The following TSGA10 variants were observed in gnomAD, a reference collection of about 807,000 sequenced individuals.
TSGA10 encodes testis-specific gene 10 protein.
In TSGA10, 43 loss-of-function variants were observed where a neutral mutation model predicts 96.6. The ratio of observed to expected loss-of-function variants is 0.44; its 90% CI spans 0.35 to 0.57. The LOEUF (loss-of-function observed/expected upper bound fraction) is 0.57, where lower values mean the gene tolerates loss of function less well. Among genes scored for constraint, TSGA10 ranks in the 20% least tolerant of loss-of-function variants. TSGA10 has a pLI of 0.01. For missense variants in TSGA10, 703 were observed against 834.4 expected (o/e 0.84, Z 1.94); for synonymous variants, 229 against 269.9 (o/e 0.85, Z 1.48).
At chr2:99,110,974 G>C in intron 4 of TSGA10, 59 bp from the exon 5 acceptor site, 1 of 434,740 alleles carries the variant, frequency 2.3e-6, no homozygotes, top group African/African-American at 2.2e-5. Flanking sequence ...AAACTAATTG[G>C]AAAAAGAACA....
Position 99,112,875 on chromosome 2 carries a change from T to G in TSGA10, c.-139-1960A>C, listed in dbSNP as rs532539730. 2.8e-5 allele frequency among the ~76,000 whole-genome samples: 4 copies of G among 140,754 alleles called. No individual in the cohort carries two copies. The East Asian group carries it at 9.6e-4, about 34-fold the overall frequency. 92.3% of individuals were successfully genotyped at this position (140,754 alleles called of 152,430 possible). On this transcript the variant is annotated intron_variant, in intron 4 of 20. Coordinates refer to ENST00000393483, the MANE Select transcript of TSGA10 (RefSeq NM_025244.4). ...TGTCCCCCACCCCACCCTTTGTTTG[T>G]GGGGGACAAACAAAGACTTTACACA...
intron 18 of TSGA10, among the ~76,000 whole-genome samples, chr2:99,019,202 C>T (rs769535917): frequency 6.6e-6 from 1 of 152,174 alleles, no homozygotes; most frequent in Non-Finnish European, 1.5e-5. Context: ...TCACACAGAA[C>T]ATTCTATCCT....
At chr2:99,132,466 T>C (rs1046416728) in intron 1 of TSGA10, among the ~76,000 whole-genome samples, 9 of 152,116 alleles carry the variant, frequency 5.9e-5, no homozygotes, top group Non-Finnish European at 1.0e-4. Flanking sequence ...GTGGGATCAG[T>C]GGTAATATCT....
chr2:99,039,728 C>A (rs942326103), intron 16 of TSGA10, among the ~76,000 whole-genome samples: 4 of 152,090 alleles, frequency 2.6e-5, no homozygotes, highest in African/African-American at 9.7e-5. Flanking sequence ...TGAAATTATT[C>A]CACAAGGCAG....
intron 20 of TSGA10, among the ~76,000 whole-genome samples, chr2:99,005,990 A>G (rs939590630): frequency 1.3e-5 from 2 of 152,332 alleles, no homozygotes; most frequent in South Asian, 2.1e-4. Context: ...ATAATGCCGC[A>G]TATCTACAAC....
At chr2:99,086,934 G>C (rs897664038) in intron 10 of TSGA10, among the ~76,000 whole-genome samples, 7 of 152,100 alleles carry the variant, frequency 4.6e-5, no homozygotes, top group South Asian at 2.1e-4. Context: ...GCCGGGCGCA[G>C]TGTCTCATGC....
intron 11 of TSGA10, 126 bp downstream of exon 11, chr2:99,081,156 T>G (rs1276523473): frequency 2.2e-6 from 1 of 444,658 alleles, no homozygotes; most frequent in African/African-American, 2.0e-5. Context: ...TCTACTATTT[T>G]TTATTCATAA....
At chr2:98,998,983 G>A (rs1230870400) in intron 20 of TSGA10, among the ~76,000 whole-genome samples, 1 of 152,028 alleles carries the variant, frequency 6.6e-6, no homozygotes. Flanking sequence ...TGCAACCTCT[G>A]CCCCCAGGTT....
In TSGA10 at chr2:99,109,390, C is replaced by A; in HGVS notation, c.50G>T (p.Arg17Leu). 1 of 1,613,824 alleles carries A rather than the reference C, an allele frequency of 6.2e-7. No individual in the cohort carries two copies. Among genetic ancestry groups the A allele is most frequent in the Non-Finnish European group, 8.5e-7 (1 of 1,179,794 alleles). The part of the protein sequence containing the change: ...KSPRRPSPTA[R>L]GANCDVELLK... ...TATTTGTAAGTTTATAAAACCTACC[C>A]GGGCAGTTGGTGATGGGCGTCTTGG... Residue 17 changes from arginine to leucine, a missense_variant and splice_region_variant, in exon 6 of 21, where the codon CGG (arginine) becomes CTG (leucine). Physicochemically the swap from Arg to Leu is moderately radical, Grantham distance 102. Around this residue, in one of 3 missense-constraint regions of TSGA10, gnomAD observed 585 missense variants for 656.8 expected, o/e 0.89. Coordinates refer to ENST00000393483, the MANE Select transcript of TSGA10 (RefSeq NM_025244.4).
chr2:99,023,553 C>T (rs1407853643), intron 17 of TSGA10, among the ~76,000 whole-genome samples: 1 of 152,132 alleles, frequency 6.6e-6, no homozygotes, highest in Non-Finnish European at 1.5e-5. Context: ...ACATATAGCC[C>T]TATGATTCAT....
rs1242517315 is a variant in TSGA10, at chr2:99,081,302, A to G, written c.707T>C (p.Met236Thr). The G allele has an allele frequency of 1.9e-6, 3 of 1,568,076 alleles. No individual in the cohort carries two copies. Among genetic ancestry groups the G allele is most frequent in the Admixed American group, 1.9e-5 (1 of 53,396 alleles). The change falls in exon 11 of 21, where the codon ATG becomes ACG. Residue 236 changes from methionine (M) to threonine (T), a missense_variant. Physicochemically the swap from Met to Thr is moderately conservative, Grantham distance 81. Transcript: ENST00000393483. ...CTCACCAATTTTTTCATCCAAGCAC[A>G]TAATTTTCTCCTGAGTAAGCTGTAG... ...YELQLTQEKI[M>T]CLDEKIDNFT...
At chr2:99,145,903 G>T (rs2093627156) in intron 1 of TSGA10, among the ~76,000 whole-genome samples, 1 of 152,090 alleles carries the variant, frequency 6.6e-6, no homozygotes, top group Non-Finnish European at 1.5e-5. Flanking sequence ...TTTGGGAAGT[G>T]GGAGGATTGC....
chr2:99,135,497 T>C (rs748004926), intron 1 of TSGA10, among the ~76,000 whole-genome samples: 84 of 152,264 alleles, frequency 5.5e-4, no homozygotes, highest in Non-Finnish European at 4.0e-4. Flanking sequence ...ATTTTTAATT[T>C]ATTCTTTATT....
chr2:99,113,885 G>C (rs1432596571), intron 4 of TSGA10, among the ~76,000 whole-genome samples: 6 of 152,094 alleles, frequency 3.9e-5, no homozygotes, highest in Non-Finnish European at 5.9e-5. Flanking sequence ...CAGTGAACCA[G>C]AACAACCCAG....
intron 16 of TSGA10, among the ~76,000 whole-genome samples, chr2:99,064,168 T>C (rs2084999118): frequency 1.3e-5 from 2 of 152,092 alleles, no homozygotes; most frequent in African/African-American, 4.8e-5. Flanking sequence ...GGCATAAATA[T>C]AGGGAAACAT....
chr2:99,087,402 G>T (rs570066568), intron 10 of TSGA10, among the ~76,000 whole-genome samples: 123 of 149,374 alleles, frequency 8.2e-4, no homozygotes, highest in Non-Finnish European at 1.5e-3. Context: ...GCTACTTGGG[G>T]GGCTGAGGCA....
At chr2:99,023,291 CT>C (rs2080215943) in intron 17 of TSGA10, among the ~76,000 whole-genome samples, 1 of 152,136 alleles carries the variant, frequency 6.6e-6, no homozygotes, top group South Asian at 2.1e-4. Flanking sequence ...TGAACCACCA[CT>C]ACATATTTTG....
intron 16 of TSGA10, among the ~76,000 whole-genome samples, chr2:99,048,064 A>G (rs1386893106): frequency 6.6e-6 from 1 of 152,218 alleles, no homozygotes; most frequent in Non-Finnish European, 1.5e-5. Flanking sequence ...GCTCAAGACA[A>G]TAACAGAGGA....
intron 17 of TSGA10, among the ~76,000 whole-genome samples, chr2:99,029,971 AC>A (rs528269457): frequency 5.3e-4 from 81 of 152,310 alleles, no homozygotes; most frequent in African/African-American, 1.9e-3. Context: ...TACCTAGAAA[AC>A]CCCATGGAAT....
Sources: allele counts gnomAD v4.1 joint callset (sites outside exome capture counted in the v4.1 genomes callset), GRCh38; gene constraint gnomAD v4.1.1; regional missense constraint gnomAD v4.1.1; transcripts MANE v1.5; gene names NCBI Gene and HGNC (gene_info 2026-07-23, HGNC 2026-07-21).